The following ZNRF3 variants were observed in gnomAD, a reference collection of about 807,000 sequenced individuals.
ZNRF3 encodes E3 ubiquitin-protein ligase ZNRF3.
In ZNRF3, 23 loss-of-function variants were observed where a neutral mutation model predicts 72.5. That is an observed-to-expected ratio of 0.32 (90% CI 0.23 to 0.45). The LOEUF (loss-of-function observed/expected upper bound fraction) is 0.45. Among genes scored for constraint, ZNRF3 ranks in the 20% least tolerant of loss-of-function variants. The pLI is 1.00. For missense variants in ZNRF3, 1,169 were observed against 1,272.1 expected, an observed-to-expected ratio of 0.92 and a Z score of 1.23; for synonymous variants, 610 against 545.3, an observed-to-expected ratio of 1.12 and a Z score of -1.65.
intron 1 of ZNRF3, among the ~76,000 whole-genome samples, chr22:28,892,732 C>T (rs2033912854): frequency 6.6e-6 from 1 of 152,128 alleles, no homozygotes; most frequent in Non-Finnish European, 1.5e-5. Flanking sequence ...CTCCTCTCCC[C>T]AGCAGCCAGT....
intron 1 of ZNRF3, among the ~76,000 whole-genome samples, chr22:28,948,025 A>G (rs578126138): frequency 1.3e-5 from 2 of 150,660 alleles, no homozygotes; most frequent in African/African-American, 2.4e-5. Flanking sequence ...TTGTATTTTT[A>G]GTAGAGACGG....
chr22:29,052,690 T>G (rs571569172), intron 8 of ZNRF3, among the ~76,000 whole-genome samples: 1 of 84,030 alleles, frequency 1.2e-5, no homozygotes, highest in Non-Finnish European at 2.3e-5. Flanking sequence ...AGACTCCGTC[T>G]CAAAAAAAAA....
intron 1 of ZNRF3, among the ~76,000 whole-genome samples, chr22:28,942,057 T>G (rs143110683): frequency 2.4e-3 from 360 of 152,330 alleles, no homozygotes; most frequent in South Asian, 4.4e-3. Context: ...TGGTGCCATT[T>G]TAGTTTTGTC....
chr22:29,009,159 G>A (rs1273124588), intron 2 of ZNRF3, among the ~76,000 whole-genome samples: 1 of 152,042 alleles, frequency 6.6e-6, no homozygotes, highest in African/African-American at 2.4e-5. Context: ...AGTCTTTCTG[G>A]ACCAATAGTC....
rs558686864 is a variant in ZNRF3 at position 28,935,867 on chromosome 22, G to T, written c.301-51209G>T. Among the ~76,000 whole-genome samples, 5 of 152,240 alleles carry T rather than the reference G, an allele frequency of 3.3e-5. No individual in the cohort carries two copies. The East Asian group carries it at 5.8e-4, about 18-fold the overall frequency. Reference sequence around the variant, plus strand: ...TCCCGACCATCCCACTAACTCAGAGGGTGGGGAGAGGTGAGTAGATGATGC... The same window carrying T: ...TCCCGACCATCCCACTAACTCAGAGTGTGGGGAGAGGTGAGTAGATGATGC... On this transcript the variant is annotated intron_variant, in intron 1 of 8. Coordinates refer to ENST00000544604, the MANE Select transcript of ZNRF3 (RefSeq NM_001206998.2).
At position 28,887,580 on chromosome 22, in the gene ZNRF3, TG is replaced by T. The variant is rs551302435; in HGVS notation, c.300+3515del. 1.1e-4 allele frequency among the ~76,000 whole-genome samples: 17 copies of T among 152,292 alleles called. No individual in the cohort carries two copies. The South Asian group carries it at 3.3e-3, about 30-fold the overall frequency. Reference sequence around the variant, plus strand: ...TTTTAATGTCTCCATCTGTGAAAGTTGTGGTGAAAACAATTTGTGGGTATGA... The same window carrying T: ...TTTTAATGTCTCCATCTGTGAAAGTTTGGTGAAAACAATTTGTGGGTATGA... On this transcript the variant is annotated intron_variant, in intron 1 of 8. Transcript: ENST00000544604.
At chr22:28,992,959 T>C (rs1027430624) in intron 2 of ZNRF3, 1 of 152,006 alleles carries the variant, frequency 6.6e-6, no homozygotes, top group Non-Finnish European at 1.5e-5. Flanking sequence ...CAGGATGAGG[T>C]AGGAAAAGAA....
intron 1 of ZNRF3, among the ~76,000 whole-genome samples, chr22:28,951,585 AC>A (rs2035161659): frequency 6.6e-6 from 1 of 152,148 alleles, no homozygotes; most frequent in African/African-American, 2.4e-5. Context: ...TCTAGTCTCA[AC>A]TGCAAGATGA....
intron 1 of ZNRF3, among the ~76,000 whole-genome samples, chr22:28,950,577 C>T (rs1251285933): frequency 6.6e-6 from 1 of 152,224 alleles, no homozygotes; most frequent in East Asian, 1.9e-4. Context: ...CTCTTCACCA[C>T]CTACCTTGCA....
intron 2 of ZNRF3, among the ~76,000 whole-genome samples, chr22:28,989,248 T>C (rs965020413): frequency 1.3e-5 from 2 of 152,142 alleles, no homozygotes; most frequent in Admixed American, 6.5e-5. Flanking sequence ...AGTTTACACC[T>C]GAATAAAATC....
At chr22:28,960,243 C>T (rs1287554103) in intron 1 of ZNRF3, among the ~76,000 whole-genome samples, 7 of 152,222 alleles carry the variant, frequency 4.6e-5, no homozygotes, top group Admixed American at 2.6e-4. Flanking sequence ...GTGCATTTTT[C>T]GTTTATGTTT....
rs751583102 is a variant in ZNRF3 at position 28,883,886 on chromosome 22, G to A, written c.120G>A (p.Leu40=). 9 of 1,072,794 alleles carry A rather than the reference G, an allele frequency of 8.4e-6. No homozygotes were observed. The South Asian group carries it at 2.5e-4, about 30-fold the overall frequency. The allele number at this position is 1,072,794 out of a possible 1,614,324, so 66.5% of individuals were successfully genotyped here. A position where few individuals can be genotyped will look rare whatever the true frequency, so the allele number is the denominator to read the frequency against. Residue 40 remains leucine, a synonymous_variant, in exon 1 of 9, where the codon CTG becomes CTA. Transcript: ENST00000544604. This position sits in a 1 kb window ranked among gnomAD's most constrained non-coding sequence, Gnocchi z 5.5. ...CGCCGCCGCCGCCGCTGCCGCTGCT[G>A]CTCGGGCTGCTGCTGGCGGCCGCGG... The part of the protein sequence containing the change: ...RLPPPPPLPL[L]LGLLLAAAGP...
intron 1 of ZNRF3, among the ~76,000 whole-genome samples, chr22:28,924,886 G>A (rs942100406): frequency 1.3e-5 from 2 of 152,158 alleles, no homozygotes; most frequent in African/African-American, 4.8e-5. Context: ...ATCCCATCCT[G>A]TTGGAAGGAG....
At chr22:29,034,297 C>A (rs995570980) in intron 2 of ZNRF3, among the ~76,000 whole-genome samples, 8 of 152,188 alleles carry the variant, frequency 5.3e-5, no homozygotes, top group Admixed American at 2.6e-4. Flanking sequence ...TGTTTCCATA[C>A]TGATAACCAT....
chr22:28,914,158 A>T (rs984871855), intron 1 of ZNRF3, among the ~76,000 whole-genome samples: 1 of 152,144 alleles, frequency 6.6e-6, no homozygotes, highest in African/African-American at 2.4e-5. Context: ...CCTCTGGCTG[A>T]TCTGCAGGCC....
rs1218687294 is a variant in ZNRF3, at chr22:29,050,716, C to T, written c.2535C>T (p.Asp845=). ...ACTGTGATCTGGGCCTGCCCTCGGA[C>T]TGCCAAGGGACCCACAGCCTCGGCT... The part of the protein sequence containing the change: ...DVDCDLGLPS[D]CQGTHSLGSW... Residue 845 remains aspartate (D), a synonymous_variant, in exon 8 of 9, where the codon GAC becomes GAT. Transcript: ENST00000544604. 6.2e-7 allele frequency: 1 copy of T among 1,611,682 alleles called. No homozygotes were observed. Among genetic ancestry groups the T allele is most frequent in the Admixed American group, 1.7e-5 (1 of 59,868 alleles).
rs541479859 is a variant in ZNRF3 at position 29,054,101 on chromosome 22, G to A, written c.*479G>A. 1 of 152,632 alleles carries A rather than the reference G, an allele frequency of 6.6e-6. No individual in the cohort carries two copies. Among genetic ancestry groups the A allele is most frequent in the African/African-American group, 2.4e-5 (1 of 41,566 alleles). The allele number at this position is 152,632 out of a possible 1,614,324, so 9.5% of individuals were successfully genotyped here. On this transcript the variant is annotated 3_prime_UTR_variant, in exon 9 of 9. Coordinates refer to ENST00000544604, the MANE Select transcript of ZNRF3 (RefSeq NM_001206998.2). ...GGAGCTCAGGCCTTTGAAAAGCTCA[G>A]GGCTTCACCTGCCTTAGAAAATGAA...
chr22:28,952,814 G>A (rs2035189198), intron 1 of ZNRF3, among the ~76,000 whole-genome samples: 2 of 152,202 alleles, frequency 1.3e-5, no homozygotes, highest in African/African-American at 4.8e-5. Context: ...AGCTTTGGAA[G>A]TTACAAAGAA....
rs140431736 is a variant in ZNRF3, at chr22:29,018,003, G to A, written c.427-24492G>A. ...CCTATGCAACAGCTGGAAGATGTGC[G>A]TATGCCTTAACTTTTCAGAAATGGG... is the stretch of plus-strand genomic sequence containing the variant. On this transcript the variant is annotated intron_variant, in intron 2 of 8. Coordinates refer to ENST00000544604, the MANE Select transcript of ZNRF3 (RefSeq NM_001206998.2). 1.1e-4 allele frequency: 55 copies of A among 519,066 alleles called. 1 individual carries two copies. In the Middle Eastern group the frequency reaches 3.2e-3, roughly 30 times the overall value. The allele number at this position is 519,066 out of a possible 1,614,324, so 32.2% of individuals were successfully genotyped here.
Sources: gnomAD v4.1 joint callset for allele counts (sites outside exome capture counted in the v4.1 genomes callset) on GRCh38, gnomAD v4.1.1 for gene constraint, Gnocchi (gnomAD v3.1) non-coding constraint, MANE v1.5 for transcripts, NCBI Gene and HGNC (gene_info 2026-07-23, HGNC 2026-07-21) for gene names.